The following ZPBP variants were observed in gnomAD, a reference collection of about 807,000 sequenced individuals.
ZPBP encodes the protein zona pellucida-binding protein 1.
ZPBP carries 26 observed loss-of-function variants against 44.8 expected under a neutral mutation model. The ratio of observed to expected loss-of-function variants is 0.58; its 90% CI spans 0.43 to 0.81. The LOEUF is 0.81. Among genes scored for constraint, ZPBP ranks in the 30% least tolerant of loss-of-function variants. ZPBP has a pLI of 0.00. For missense variants in ZPBP, 409 were observed against 434.0 expected (o/e 0.94, Z 0.51); for synonymous variants, 174 against 153.2 (o/e 1.14, Z -1.00).
rs1298959570 is a variant in ZPBP, at chr7:49,981,648, A to G, written c.961+1694T>C. Among the ~76,000 whole-genome samples, 304 of 44,472 alleles carry G rather than the reference A, an allele frequency of 6.8e-3. 51 individuals carry two copies. The highest frequency in any genetic ancestry group is 0.039 in the African/African-American group (299 of 7,594). 29.2% of individuals were successfully genotyped at this position (44,472 alleles called of 152,430 possible). A position where few individuals can be genotyped will look rare whatever the true frequency, so the allele number is the denominator to read the frequency against. ...TATATTATATTATATATTATATAAT[A>G]TCTTGATATAAAATATATATTATAT... On this transcript the variant is annotated intron_variant, in intron 7 of 7. Coordinates refer to ENST00000046087, the MANE Select transcript of ZPBP (RefSeq NM_007009.3).
intron 7 of ZPBP, chr7:49,944,220 C>T: frequency 2.8e-6 from 1 of 359,056 alleles, no homozygotes; most frequent in Non-Finnish European, 5.3e-6. Context: ...TTTGGCTGCA[C>T]TTTTGCCACT....
chr7:49,911,918 T>TGCACACAC (rs1554344974), intron 1 of ZPBP: 1 of 222,948 alleles, frequency 4.5e-6, no homozygotes. Context: ...AACAAACAAA[T>TGCACACAC]ACACGCACAC....
At chr7:49,934,870 G>A (rs75719800), downstream of ZPBP, among the ~76,000 whole-genome samples, 4 of 151,878 alleles carry the variant, frequency 2.6e-5, no homozygotes, top group Non-Finnish European at 4.4e-5. Context: ...ATAAAAACTG[G>A]GAATTATATT....
At chr7:50,085,403 C>T (rs948414254) in intron 2 of ZPBP, among the ~76,000 whole-genome samples, 1 of 152,100 alleles carries the variant, frequency 6.6e-6, no homozygotes, top group Non-Finnish European at 1.5e-5. Context: ...TCAGTAGGAA[C>T]AGTGAGCTTG....
intron 6 of ZPBP, among the ~76,000 whole-genome samples, chr7:50,005,593 G>GC (rs1798270586): frequency 6.6e-6 from 1 of 151,794 alleles, no homozygotes; most frequent in African/African-American, 2.4e-5. Flanking sequence ...TCTATCTAAT[G>GC]CCCCAGGCAA....
intron 1 of ZPBP, among the ~76,000 whole-genome samples, chr7:49,901,592 T>C (rs1454901258): frequency 1.3e-5 from 2 of 151,750 alleles, no homozygotes; most frequent in East Asian, 1.9e-4. Flanking sequence ...AGTTCATGGA[T>C]AGAAAGACTC....
chr7:50,027,090 T>G (rs537469977), intron 5 of ZPBP, among the ~76,000 whole-genome samples: 19 of 151,994 alleles, frequency 1.3e-4, no homozygotes, highest in Non-Finnish European at 2.4e-4. Context: ...CATAAATATG[T>G]ATAGCTTTAC....
intron 2 of ZPBP, among the ~76,000 whole-genome samples, chr7:49,875,430 A>T (rs947308786): frequency 7.0e-6 from 1 of 143,480 alleles, no homozygotes; most frequent in Admixed American, 7.0e-5. Context: ...TATATTTTTT[A>T]AAAATAGGAA....
At chr7:50,051,590 A>G (rs1800700591) in intron 4 of ZPBP, among the ~76,000 whole-genome samples, 1 of 152,220 alleles carries the variant, frequency 6.6e-6, no homozygotes, top group Non-Finnish European at 1.5e-5. Context: ...CTGGATAAAG[A>G]AAATGTGATA....
chr7:50,011,349 A>C (rs907630811), intron 6 of ZPBP, among the ~76,000 whole-genome samples: 1 of 152,184 alleles, frequency 6.6e-6, no homozygotes, highest in African/African-American at 2.4e-5. Context: ...CAACAAAAAC[A>C]AAGATAAACA....
intron 4 of ZPBP, among the ~76,000 whole-genome samples, chr7:50,045,226 T>C (rs1164690077): frequency 2.0e-5 from 3 of 152,184 alleles, no homozygotes; most frequent in Non-Finnish European, 4.4e-5. Flanking sequence ...AGCATTCCCT[T>C]TGAAAACTGG....
intron 7 of ZPBP, among the ~76,000 whole-genome samples, chr7:49,980,299 T>G (rs1212258564): frequency 9.8e-5 from 3 of 30,514 alleles, no homozygotes; most frequent in Non-Finnish European, 1.7e-4. Context: ...AAATATATAA[T>G]ATATATAATA....
At chr7:49,882,192 A>G (rs1791696784) in intron 2 of ZPBP, among the ~76,000 whole-genome samples, 1 of 152,188 alleles carries the variant, frequency 6.6e-6, no homozygotes, top group Non-Finnish European at 1.5e-5. Flanking sequence ...TTAAAAGAGA[A>G]CAAAACTAGT....
chr7:50,044,481 G>A lies in ZPBP; in HGVS notation c.488-13171C>T, dbSNP rs538973493. Among the ~76,000 whole-genome samples the A allele has an allele frequency of 3.3e-5, 5 of 152,030 alleles. 1 individual carries two copies. Among genetic ancestry groups the A allele is most frequent in the African/African-American group, 1.2e-4 (5 of 41,468 alleles). On this transcript the variant is annotated intron_variant, in intron 4 of 7. Transcript: ENST00000046087. ...CGGACACAATAAAAAAATAATAAAG[G>A]GGATATCAACATTGATCCCACAGAA...
At chr7:49,845,628 A>G, downstream of ZPBP, among the ~76,000 whole-genome samples, 1 of 152,250 alleles carries the variant, frequency 6.6e-6, no homozygotes, top group Non-Finnish European at 1.5e-5. Flanking sequence ...GTCTTCAAAT[A>G]CAGAAATTCC....
chr7:49,884,839 A>G (rs1219973546), intron 2 of ZPBP, among the ~76,000 whole-genome samples: 6 of 152,190 alleles, frequency 3.9e-5, no homozygotes, highest in Non-Finnish European at 7.3e-5. Flanking sequence ...ATAGACGTCA[A>G]TAGTTAATCA....
intron 4 of ZPBP, among the ~76,000 whole-genome samples, chr7:50,039,291 G>C (rs1019065984): frequency 3.3e-5 from 5 of 151,988 alleles, no homozygotes; most frequent in Admixed American, 3.3e-4. Context: ...TACTAAGAGG[G>C]TTCAAGAGTA....
At chr7:49,898,766 A>G (rs759167015) in intron 2 of ZPBP, among the ~76,000 whole-genome samples, 2 of 152,130 alleles carry the variant, frequency 1.3e-5, no homozygotes, top group East Asian at 3.8e-4. Context: ...AAAGTGGTTT[A>G]GTGTTATTTG....
At chr7:49,865,002 C>T (rs1223232983) in intron 2 of ZPBP, among the ~76,000 whole-genome samples, 1 of 85,632 alleles carries the variant, frequency 1.2e-5, no homozygotes, top group South Asian at 3.9e-4. Flanking sequence ...GTAGAGCTGC[C>T]TACTCTCAAT....
Sources: allele counts gnomAD v4.1 joint callset (sites outside exome capture counted in the v4.1 genomes callset), GRCh38; gene constraint gnomAD v4.1.1; transcripts MANE v1.5; gene names NCBI Gene and HGNC (gene_info 2026-07-23, HGNC 2026-07-21).